SEMA5B: variants seen among roughly 807,000 people sequenced by gnomAD.
SEMA5B encodes the protein semaphorin 5B.
In SEMA5B, 66 loss-of-function variants were observed where a neutral mutation model predicts 135.0. That is an observed-to-expected ratio of 0.49 (90% CI 0.40 to 0.60). SEMA5B has a LOEUF of 0.60. Ranked by LOEUF, SEMA5B falls within the 20% of genes least tolerant of loss-of-function variation. SEMA5B has a pLI of 0.00. For missense variants in SEMA5B, 1,501 were observed against 1,566.3 expected (o/e 0.96, Z 0.70); for synonymous variants, 690 against 639.5 (o/e 1.08, Z -1.19).
chr3:122,922,190 C>G, intron 11 of SEMA5B, 50 bp downstream of exon 11: 4 of 1,578,500 alleles, frequency 2.5e-6, no homozygotes, highest in Non-Finnish European at 3.5e-6. Context: ...CCCGCGCCGT[C>G]CCTCAACCCA....
At chr3:122,956,870 A>AC (rs1420405826) in intron 2 of SEMA5B, among the ~76,000 whole-genome samples, 5 of 152,130 alleles carry the variant, frequency 3.3e-5, no homozygotes, top group Admixed American at 2.6e-4. Flanking sequence ...AAAGCGGGTG[A>AC]CGGGCTGCAG....
intron 1 of SEMA5B, among the ~76,000 whole-genome samples, chr3:123,000,487 CCT>C (rs1298978691): frequency 6.6e-6 from 1 of 152,128 alleles, no homozygotes; most frequent in Non-Finnish European, 1.5e-5. Flanking sequence ...ACAGCAAATG[CCT>C]CTCTGGCATT....
intron 1 of SEMA5B, among the ~76,000 whole-genome samples, chr3:122,994,711 G>A (rs1053083959): frequency 3.3e-5 from 5 of 152,214 alleles, no homozygotes; most frequent in African/African-American, 1.2e-4. Context: ...AGGACCAGGA[G>A]TGTAAATGTA....
intron 1 of SEMA5B, among the ~76,000 whole-genome samples, chr3:122,998,482 T>C (rs983540741): frequency 1.8e-4 from 27 of 152,206 alleles, no homozygotes; most frequent in African/African-American, 5.8e-4. Flanking sequence ...TTTCACCAGA[T>C]GTGAGAGGAT....
chr3:122,961,926 G>T (rs922040877), intron 1 of SEMA5B, among the ~76,000 whole-genome samples: 1 of 152,174 alleles, frequency 6.6e-6, no homozygotes, highest in African/African-American at 2.4e-5. Flanking sequence ...TCAGTTTCTA[G>T]AGGCTGCCCA....
At chr3:122,958,763 G>C (rs1485816977) in intron 2 of SEMA5B, among the ~76,000 whole-genome samples, 2 of 152,108 alleles carry the variant, frequency 1.3e-5, no homozygotes, top group Non-Finnish European at 2.9e-5. Flanking sequence ...AAATCTATGG[G>C]GGGAGGGTAT....
intron 1 of SEMA5B, among the ~76,000 whole-genome samples, chr3:122,974,938 C>G (rs1941262682): frequency 6.6e-6 from 1 of 152,154 alleles, no homozygotes; most frequent in African/African-American, 2.4e-5. Flanking sequence ...CCCCAGCTCT[C>G]CTTTTCCACA....
intron 2 of SEMA5B, among the ~76,000 whole-genome samples, chr3:122,951,117 G>T (rs936083911): frequency 1.1e-4 from 16 of 152,098 alleles, no homozygotes; most frequent in East Asian, 1.9e-4. Flanking sequence ...ATGCTCTGTT[G>T]TAAGTGGAGG....
At chr3:122,976,735 C>A (rs925772329) in intron 1 of SEMA5B, among the ~76,000 whole-genome samples, 1 of 152,146 alleles carries the variant, frequency 6.6e-6, no homozygotes, top group African/African-American at 2.4e-5. Context: ...ATACATCACA[C>A]AAACACATCT....
At chr3:122,915,196 C>T (rs1358745299) in intron 14 of SEMA5B, among the ~76,000 whole-genome samples, 1 of 152,232 alleles carries the variant, frequency 6.6e-6, no homozygotes, top group Non-Finnish European at 1.5e-5. Flanking sequence ...ACCTCCATGC[C>T]TGCCCAGCAT....
chr3:122,929,125 G>GTA, intron 5 of SEMA5B, 67 bp from the exon 6 acceptor site: 2 of 1,492,372 alleles, frequency 1.3e-6, no homozygotes, highest in Non-Finnish European at 1.8e-6. Flanking sequence ...CTCACTGGCA[G>GTA]AGCAGGCAGC....
rs778590990 is a variant in SEMA5B at position 122,922,228 on chromosome 3, G to A, written c.1480+12C>T. The A allele has an allele frequency of 1.2e-6, 2 of 1,605,418 alleles. No homozygotes were observed. Among genetic ancestry groups the A allele is most frequent in the Non-Finnish European group, 1.7e-6 (2 of 1,173,672 alleles). ...CCCGACCTGCAGTCCAGGTTGGACC[G>A]GGCCGGCTCACCGGTGCCAATGTAG... On this transcript the variant is annotated intron_variant, in intron 11 of 22. Coordinates refer to ENST00000357599, the MANE Select transcript of SEMA5B (RefSeq NM_001031702.4).
At chr3:123,015,794 A>G (rs1302137971) in intron 1 of SEMA5B, among the ~76,000 whole-genome samples, 3 of 152,224 alleles carry the variant, frequency 2.0e-5, no homozygotes, top group African/African-American at 7.2e-5. Context: ...ACCACTCAGT[A>G]GAGACTTGTG....
chr3:122,945,967 G>C (rs902765538), intron 3 of SEMA5B, among the ~76,000 whole-genome samples: 6 of 152,066 alleles, frequency 3.9e-5, no homozygotes, highest in Non-Finnish European at 7.4e-5. Context: ...ATCCTAGGGG[G>C]GCCTTGGGAA....
intron 1 of SEMA5B, among the ~76,000 whole-genome samples, chr3:122,983,044 T>A (rs72972406): frequency 0.038 from 5,794 of 152,188 alleles, 310 homozygotes; most frequent in African/African-American, 0.12. Flanking sequence ...CGACCCCAGC[T>A]GGCCAGGCAG....
intron 1 of SEMA5B, among the ~76,000 whole-genome samples, chr3:122,997,725 A>C (rs1942058162): frequency 6.6e-6 from 1 of 152,086 alleles, no homozygotes; most frequent in African/African-American, 2.4e-5. Flanking sequence ...TGTTTCACTC[A>C]GAAGGGAAAA....
intron 1 of SEMA5B, among the ~76,000 whole-genome samples, chr3:122,963,937 C>A (rs887847806): frequency 2.6e-5 from 4 of 152,126 alleles, no homozygotes; most frequent in African/African-American, 9.7e-5. Flanking sequence ...GTAGCCAATA[C>A]TGGGTGGTCT....
intron 5 of SEMA5B, among the ~76,000 whole-genome samples, chr3:122,938,370 C>T (rs1468461318): frequency 6.6e-6 from 1 of 152,156 alleles, no homozygotes; most frequent in Non-Finnish European, 1.5e-5. Context: ...GCCCTAGTTC[C>T]TCCCAACCCT....
chr3:122,912,716 G>A, intron 18 of SEMA5B, 127 bp downstream of exon 18: 1 of 943,200 alleles, frequency 1.1e-6, no homozygotes, highest in Non-Finnish European at 1.6e-6. Context: ...GGGGTCCCTA[G>A]CACAGAGTTG....
Sources: allele counts gnomAD v4.1 joint callset (sites outside exome capture counted in the v4.1 genomes callset), GRCh38; gene constraint gnomAD v4.1.1; transcripts MANE v1.5; gene names NCBI Gene and HGNC (gene_info 2026-07-23, HGNC 2026-07-21).